LTBP1: variants seen among roughly 807,000 people sequenced by gnomAD.
LTBP1 encodes latent-transforming growth factor beta-binding protein 1.
LTBP1 carries 129 observed loss-of-function variants against 207.6 expected under a neutral mutation model. The ratio of observed to expected loss-of-function variants is 0.62; its 90% CI spans 0.54 to 0.72. LTBP1 has a LOEUF of 0.72. LTBP1 is among the 30% of genes least tolerant of loss of function. The probability of loss-of-function intolerance (pLI) is 0.00; values close to 1 mark genes in which losing one functional copy is unlikely to be tolerated. For missense variants in LTBP1, 2,281 were observed against 2,217.2 expected (o/e 1.03, Z -0.58); for synonymous variants, 963 against 833.7 (o/e 1.16, Z -2.67).
intron 3 of LTBP1, among the ~76,000 whole-genome samples, chr2:33,073,993 A>G (rs1031254831): frequency 1.3e-5 from 2 of 152,324 alleles, no homozygotes; most frequent in Middle Eastern, 3.4e-3. Context: ...AAGGTGATAT[A>G]CAGGTATAAG....
chr2:33,249,180 C>T (rs2092606729), intron 10 of LTBP1, among the ~76,000 whole-genome samples: 1 of 152,174 alleles, frequency 6.6e-6, no homozygotes, highest in Admixed American at 6.5e-5. Flanking sequence ...TCAACTTCTT[C>T]TAAGTACCAG....
At chr2:33,083,818 A>G (rs1218592615) in intron 3 of LTBP1, among the ~76,000 whole-genome samples, 3 of 152,206 alleles carry the variant, frequency 2.0e-5, no homozygotes, top group Admixed American at 2.0e-4. Flanking sequence ...TGAAAAAGGA[A>G]GTTACAGAAG....
chr2:33,108,322 G>A (rs1252067238), intron 3 of LTBP1, among the ~76,000 whole-genome samples: 1 of 152,092 alleles, frequency 6.6e-6, no homozygotes, highest in Non-Finnish European at 1.5e-5. Context: ...GCAGCTGTGT[G>A]TAGCTCCATA....
At chr2:33,214,375 T>C (rs763976431) in intron 7 of LTBP1, among the ~76,000 whole-genome samples, 2 of 152,192 alleles carry the variant, frequency 1.3e-5, no homozygotes, top group African/African-American at 4.8e-5. Context: ...GCCCCAAATA[T>C]GTGCCTGTCT....
At chr2:33,130,313 C>T (rs560762135) in intron 4 of LTBP1, among the ~76,000 whole-genome samples, 1 of 152,286 alleles carries the variant, frequency 6.6e-6, no homozygotes, top group Admixed American at 6.5e-5. Context: ...AGGATATTGC[C>T]TGTGCTGGTT....
chr2:32,966,246 GTGTC>G (rs1438222205), intron 2 of LTBP1, among the ~76,000 whole-genome samples: 3 of 152,022 alleles, frequency 2.0e-5, no homozygotes, highest in African/African-American at 7.2e-5. Context: ...TTTATCAGAC[GTGTC>G]TCTTGAAAAT....
At chr2:32,977,913 T>C (rs1351597457) in intron 2 of LTBP1, among the ~76,000 whole-genome samples, 1 of 152,228 alleles carries the variant, frequency 6.6e-6, no homozygotes, top group Non-Finnish European at 1.5e-5. Context: ...TTTTGTAGTT[T>C]TCATTGTAGA....
chr2:33,354,923 T>G (rs1437831551), intron 26 of LTBP1, among the ~76,000 whole-genome samples: 1 of 152,116 alleles, frequency 6.6e-6, no homozygotes, highest in Non-Finnish European at 1.5e-5. Flanking sequence ...AAAATTTTTT[T>G]GTAGGACGAG....
Position 33,188,911 on chromosome 2 carries a change from A to G in LTBP1, c.1701+60A>G, listed in dbSNP as rs190338287. The G allele has an allele frequency of 1.5e-4, 236 of 1,529,974 alleles. 3 individuals are homozygous for G. The Admixed American group carries it at 3.8e-3, about 25-fold the overall frequency. 94.8% of individuals were successfully genotyped at this position (1,529,974 alleles called of 1,614,324 possible). A position where few individuals can be genotyped will look rare whatever the true frequency, so the allele number is the denominator to read the frequency against. ...CTTACAGATATGGTATCATTTTAAC[A>G]AGAAAGCCAGACTTGATAAAAATGC... On this transcript the variant is annotated intron_variant, in intron 7 of 33. Transcript: ENST00000404816.
At chr2:33,170,714 G>C (rs1248248042) in intron 5 of LTBP1, among the ~76,000 whole-genome samples, 1 of 151,602 alleles carries the variant, frequency 6.6e-6, no homozygotes, top group Non-Finnish European at 1.5e-5. Flanking sequence ...TCCTCAAGTG[G>C]GTCCCTGACC....
At chr2:33,071,830 A>G (rs1355403868) in intron 3 of LTBP1, among the ~76,000 whole-genome samples, 2 of 152,190 alleles carry the variant, frequency 1.3e-5, no homozygotes, top group African/African-American at 2.4e-5. Flanking sequence ...AGCAGCTTGA[A>G]TGTGGAAAAA....
intron 3 of LTBP1, among the ~76,000 whole-genome samples, chr2:33,108,388 T>A (rs2080187224): frequency 6.6e-6 from 1 of 152,192 alleles, no homozygotes; most frequent in African/African-American, 2.4e-5. Flanking sequence ...ACTTAACTAC[T>A]GATTTCCTTA....
intron 31 of LTBP1, among the ~76,000 whole-genome samples, chr2:33,379,704 T>C (rs1057232936): frequency 2.6e-5 from 4 of 152,250 alleles, no homozygotes; most frequent in Admixed American, 2.6e-4. Context: ...GATTTCAAGA[T>C]AGTCCATCTT....
chr2:33,199,324 T>C (rs1339599766), intron 7 of LTBP1, among the ~76,000 whole-genome samples: 1 of 152,188 alleles, frequency 6.6e-6, no homozygotes, highest in Non-Finnish European at 1.5e-5. Context: ...TCCAAGTATG[T>C]GGTCAATTTT....
intron 5 of LTBP1, among the ~76,000 whole-genome samples, chr2:33,178,009 G>T (rs777954461): frequency 1.1e-4 from 17 of 152,148 alleles, no homozygotes; most frequent in Non-Finnish European, 2.4e-4. Flanking sequence ...ATCCCCAAGG[G>T]CTGCTCCCCA....
At chr2:33,183,238 T>C (rs2086855848) in intron 5 of LTBP1, among the ~76,000 whole-genome samples, 1 of 152,234 alleles carries the variant, frequency 6.6e-6, no homozygotes. Context: ...GTTGTCACTT[T>C]GTATTTCTTT....
At chr2:33,219,264 G>T (rs939904107) in intron 8 of LTBP1, among the ~76,000 whole-genome samples, 6 of 152,152 alleles carry the variant, frequency 3.9e-5, no homozygotes, top group Admixed American at 2.6e-4. Flanking sequence ...TTTCCAAGCA[G>T]ATGTTCTAAG....
intron 2 of LTBP1, among the ~76,000 whole-genome samples, chr2:32,990,348 CTT>C (rs1490620481): frequency 6.6e-6 from 1 of 152,136 alleles, no homozygotes; most frequent in Non-Finnish European, 1.5e-5. Flanking sequence ...ATAGTGATGA[CTT>C]TATCTCAAAT....
chr2:33,370,988 C>T (rs560402046), intron 31 of LTBP1, among the ~76,000 whole-genome samples: 1 of 152,284 alleles, frequency 6.6e-6, no homozygotes, highest in Admixed American at 6.5e-5. Flanking sequence ...TCTGAGAGTA[C>T]TGGTAGGTGC....
Sources: gnomAD v4.1 joint callset for allele counts (sites outside exome capture counted in the v4.1 genomes callset) on GRCh38, gnomAD v4.1.1 for gene constraint, MANE v1.5 for transcripts, NCBI Gene and HGNC (gene_info 2026-07-23, HGNC 2026-07-21) for gene names.